Variants in RIC1 observed in about 807,000 individuals in gnomAD.
RIC1 encodes the protein guanine nucleotide exchange factor subunit RIC1.
Under a neutral mutation model 169.0 loss-of-function variants are expected in RIC1, and 88 were observed. The observed-to-expected ratio is 0.52, with a 90% CI of 0.44 to 0.62. The LOEUF (loss-of-function observed/expected upper bound fraction) is 0.62, where lower values mean the gene tolerates loss of function less well. Among genes scored for constraint, RIC1 ranks in the 20% least tolerant of loss-of-function variants. The probability of loss-of-function intolerance (pLI) is 0.00; values close to 1 mark genes in which losing one functional copy is unlikely to be tolerated. For missense variants in RIC1, 1,877 were observed against 1,725.5 expected, an observed-to-expected ratio of 1.09 and a Z score of -1.56; for synonymous variants, 790 against 601.5, an observed-to-expected ratio of 1.31 and a Z score of -4.59.
At chr9:5,726,179 T>C (rs1368726520) in intron 6 of RIC1, among the ~76,000 whole-genome samples, 3 of 152,320 alleles carry the variant, frequency 2.0e-5, no homozygotes, top group Admixed American at 6.5e-5. Flanking sequence ...TATTATTGTG[T>C]GGGAGTCTAA....
chr9:5,763,748 G>A lies in RIC1; in HGVS notation c.2721G>A (p.Lys907=), dbSNP rs1330411488. ...FLQTVVHCAR[K]TEYALWNYLF... ...AGACAGTTGTCCATTGTGCCAGGAAGACCGAATATGCCCTGTGGAATTACC... is the reference window on the plus strand; with the variant it reads ...AGACAGTTGTCCATTGTGCCAGGAAAACCGAATATGCCCTGTGGAATTACC... Residue 907 remains lysine, a synonymous_variant, in exon 19 of 26, where the codon AAG becomes AAA. Coordinates refer to ENST00000414202, the MANE Select transcript of RIC1 (RefSeq NM_020829.4). This position sits in a 1 kb window ranked among gnomAD's most constrained non-coding sequence, Gnocchi z 5.2. 8.1e-6 allele frequency: 13 copies of A among 1,614,172 alleles called. No homozygotes were observed. The highest frequency in any genetic ancestry group is 1.0e-5 in the Non-Finnish European group (12 of 1,180,024).
chr9:5,743,801 T>TC, intron 10 of RIC1, 64 bp downstream of exon 10: 1 of 1,202,284 alleles, frequency 8.3e-7, no homozygotes. Context: ...TTCCCTTTTT[T>TC]CACTCATTTT....
chr9:5,689,112 G>T (rs543006651), intron 2 of RIC1, among the ~76,000 whole-genome samples: 20 of 143,016 alleles, frequency 1.4e-4, no homozygotes, highest in South Asian at 1.1e-3. Flanking sequence ...GCAGTGGCGC[G>T]ATCTTAGCTC....
At chr9:5,639,650 G>A (rs1194547544) in intron 1 of RIC1, among the ~76,000 whole-genome samples, 1 of 152,206 alleles carries the variant, frequency 6.6e-6, no homozygotes, top group Admixed American at 6.5e-5. Context: ...TTGAGTTTCT[G>A]TCTGGGAGTT....
chr9:5,766,667 G>A (rs779722656), intron 21 of RIC1, among the ~76,000 whole-genome samples: 1 of 152,160 alleles, frequency 6.6e-6, no homozygotes, highest in Non-Finnish European at 1.5e-5. Flanking sequence ...CACTGCAAAT[G>A]CTGTTAATTC....
chr9:5,741,614 T>G (rs1374859493), intron 8 of RIC1, among the ~76,000 whole-genome samples: 6 of 152,184 alleles, frequency 3.9e-5, no homozygotes, highest in Non-Finnish European at 8.8e-5. Context: ...TTTCAGTTAT[T>G]GTATTTTTTA....
chr9:5,690,079 A>G (rs16923368), intron 3 of RIC1, 41 bp downstream of exon 3: 17 of 1,304,612 alleles, frequency 1.3e-5, no homozygotes, highest in East Asian at 1.2e-4. Flanking sequence ...TGTGATTTGC[A>G]TACTTTATAT....
At position 5,774,607 on chromosome 9, in the gene RIC1, A is replaced by G. The variant is rs1303271076; in HGVS notation, c.*361A>G. 1 of 172,270 alleles carries G rather than the reference A, an allele frequency of 5.8e-6. No individual in the cohort carries two copies. The highest frequency in any genetic ancestry group is 1.2e-5 in the Non-Finnish European group (1 of 80,742). 10.7% of individuals were successfully genotyped at this position (172,270 alleles called of 1,614,324 possible). ...ATCTTCTCACATTTCCCGGTTCTGC[A>G]TTATGTCCAGATTGCTTTTTAAAAA... On this transcript the variant is annotated 3_prime_UTR_variant, in exon 26 of 26. Coordinates refer to ENST00000414202, the MANE Select transcript of RIC1 (RefSeq NM_020829.4).
intron 7 of RIC1, among the ~76,000 whole-genome samples, chr9:5,734,521 C>T (rs111825992): frequency 7.9e-5 from 12 of 152,266 alleles, no homozygotes; most frequent in African/African-American, 2.9e-4. Context: ...AACTTACTGG[C>T]ATAAAGTTTA....
chr9:5,695,055 A>G (rs1407183656), intron 3 of RIC1, among the ~76,000 whole-genome samples: 4 of 152,178 alleles, frequency 2.6e-5, no homozygotes, highest in African/African-American at 7.2e-5. Context: ...GATCCACTCT[A>G]TGGAGAAAAA....
chr9:5,725,102 C>G (rs1332167541), intron 6 of RIC1, among the ~76,000 whole-genome samples: 1 of 152,070 alleles, frequency 6.6e-6, no homozygotes, highest in African/African-American at 2.4e-5. Flanking sequence ...CCCTCTTTTT[C>G]TATTGATTGG....
intron 6 of RIC1, among the ~76,000 whole-genome samples, chr9:5,725,305 A>C (rs924325656): frequency 2.0e-5 from 3 of 152,132 alleles, no homozygotes; most frequent in African/African-American, 7.2e-5. Context: ...TTTGTCCAGG[A>C]ATTTATCCAT....
At chr9:5,647,705 C>T (rs959013992) in intron 1 of RIC1, among the ~76,000 whole-genome samples, 28 of 152,116 alleles carry the variant, frequency 1.8e-4, no homozygotes, top group African/African-American at 6.5e-4. Flanking sequence ...TATAATTTTA[C>T]TTATTCATTT....
rs192087158 is a variant in RIC1, at chr9:5,643,324, A to G, written c.145-13259A>G. Among the ~76,000 whole-genome samples, 614 of 152,146 alleles carry G rather than the reference A, an allele frequency of 4.0e-3. 1 individual carries two copies. Among genetic ancestry groups the G allele is most frequent in the Middle Eastern group, 0.014 (4 of 294 alleles). On this transcript the variant is annotated intron_variant, in intron 1 of 25. Coordinates refer to ENST00000414202, the MANE Select transcript of RIC1 (RefSeq NM_020829.4). ...TTTCTTCTATGGCTTTCTTTTTTTC[A>G]TAGATCATGTCAATATAAACACATA...
At chr9:5,649,169 C>T (rs758087542) in intron 1 of RIC1, among the ~76,000 whole-genome samples, 1 of 152,072 alleles carries the variant, frequency 6.6e-6, no homozygotes, top group African/African-American at 2.4e-5. Context: ...AAAACTATAT[C>T]AAGTGTCTTC....
chr9:5,732,401 T>A lies in RIC1; in HGVS notation c.734T>A (p.Val245Asp). The change falls in exon 7 of 26, where the codon GTT (valine) becomes GAT (aspartate). Residue 245 changes from valine (V) to aspartate (D), a missense_variant. By Grantham distance (152) the Val-to-Asp change is radical. This residue lies in a region of RIC1 where 1,104 missense variants were observed against 992.0 expected (regional missense o/e 1.11). Coordinates refer to ENST00000414202, the MANE Select transcript of RIC1 (RefSeq NM_020829.4). ...TCTTTATTATAGCAGCTTCATGGAGTTTGGCCACAAGATGTTGTTGACGGA... is the reference window on the plus strand; with the variant it reads ...TCTTTATTATAGCAGCTTCATGGAGATTGGCCACAAGATGTTGTTGACGGA... Reference protein sequence around the residue: ...SRFTAEQLHGVWPQDVVDGTC... With the variant: ...SRFTAEQLHGDWPQDVVDGTC... 1 of 1,608,608 alleles carries A rather than the reference T, an allele frequency of 6.2e-7. No homozygotes were observed. Among genetic ancestry groups the A allele is most frequent in the Non-Finnish European group, 8.5e-7 (1 of 1,177,512 alleles).
At position 5,639,627 on chromosome 9, in the gene RIC1, C is replaced by T. The variant is rs187295220; in HGVS notation, c.144+10174C>T. Reference sequence around the variant, plus strand: ...TTTGTTGTATAGTGCAGATTAAGTCCGATGTTTCTTTGTTGAGTTTCTGTC... The same window carrying T: ...TTTGTTGTATAGTGCAGATTAAGTCTGATGTTTCTTTGTTGAGTTTCTGTC... On this transcript the variant is annotated intron_variant, in intron 1 of 25. Coordinates refer to ENST00000414202, the MANE Select transcript of RIC1 (RefSeq NM_020829.4). 4.2e-3 allele frequency among the ~76,000 whole-genome samples: 645 copies of T among 152,162 alleles called. 3 individuals are homozygous for T. The highest frequency in any genetic ancestry group is 0.015 in the African/African-American group (605 of 41,500).
intron 8 of RIC1, among the ~76,000 whole-genome samples, chr9:5,740,046 A>G (rs939511426): frequency 2.0e-5 from 3 of 152,166 alleles, no homozygotes; most frequent in Non-Finnish European, 4.4e-5. Context: ...GAGGCTCAGT[A>G]TCTGCTTCTG....
rs1392863737 is a variant in RIC1, at chr9:5,770,040, A to G, written c.3425-47A>G. 2.7e-6 allele frequency: 4 copies of G among 1,494,314 alleles called. No individual in the cohort carries two copies. In the South Asian group the frequency reaches 3.8e-5, roughly 14 times the overall value. The allele number at this position is 1,494,314 out of a possible 1,614,324, so 92.6% of individuals were successfully genotyped here. ...CTGAATTGAAAATGTCAGTGTGTGCATCTTCAATTTCTTCCTCCATTTTTT... is the reference window on the plus strand; with the variant it reads ...CTGAATTGAAAATGTCAGTGTGTGCGTCTTCAATTTCTTCCTCCATTTTTT... On this transcript the variant is annotated intron_variant, in intron 22 of 25. Coordinates refer to ENST00000414202, the MANE Select transcript of RIC1 (RefSeq NM_020829.4).
Sources: allele counts gnomAD v4.1 joint callset (sites outside exome capture counted in the v4.1 genomes callset), GRCh38; gene constraint gnomAD v4.1.1; regional missense constraint gnomAD v4.1.1; non-coding constraint Gnocchi (gnomAD v3.1); transcripts MANE v1.5; gene names NCBI Gene and HGNC (gene_info 2026-07-23, HGNC 2026-07-21).